The following HOXA13 variants were observed in gnomAD, a reference collection of about 807,000 sequenced individuals.
The protein encoded by HOXA13 is homeobox A13.
A neutral mutation model predicts 25.7 loss-of-function variants in HOXA13; 5 were observed. That is an observed-to-expected ratio of 0.19 (90% CI 0.10 to 0.41). The LOEUF is 0.41. HOXA13 is among the 10% of genes least tolerant of loss of function. HOXA13 has a pLI of 1.00. For missense variants in HOXA13, 557 were observed against 533.5 expected (o/e 1.04, Z -0.43); for synonymous variants, 284 against 241.1 (o/e 1.18, Z -1.65).
At position 27,199,974 on chromosome 7, in the gene HOXA13, A is replaced by C. The variant is rs1243158347; in HGVS notation, c.104T>G (p.Met35Arg). The C allele has an allele frequency of 2.1e-6, 3 of 1,433,804 alleles. No individual in the cohort carries two copies. The South Asian group carries it at 3.9e-5, about 19-fold the overall frequency. The allele number at this position is 1,433,804 out of a possible 1,614,324, so 88.8% of individuals were successfully genotyped here. A position where few individuals can be genotyped will look rare whatever the true frequency, so the allele number is the denominator to read the frequency against. Residue 35 changes from methionine (M) to arginine (R), a missense_variant, in exon 1 of 2, where the codon ATG becomes AGG. Met to Arg is a moderately conservative substitution (Grantham distance 91, BLOSUM62 -1). Transcript: ENST00000649031. ...GLVADELNKN[M>R]EGAAAAAAAA... is the part of the protein sequence containing the mutation. ...TGCTGCAGCCGCCGCCGCCCCTTCC[A>C]TGTTCTTGTTGAGCTCGTCGGCCAC...
rs909428055 is a variant in HOXA13 at position 27,198,119 on chromosome 7, C to G, written c.*79G>C. 10 of 1,414,842 alleles carry G rather than the reference C, an allele frequency of 7.1e-6. No homozygotes were observed. The highest frequency in any genetic ancestry group is 9.0e-6 in the Non-Finnish European group (9 of 1,003,298). 87.6% of individuals were successfully genotyped at this position (1,414,842 alleles called of 1,614,324 possible). On this transcript the variant is annotated 3_prime_UTR_variant, in exon 2 of 2. Coordinates refer to ENST00000649031, the MANE Select transcript of HOXA13 (RefSeq NM_000522.5). ...TTCCCATTCTTCAATTATTATTAAGCATTATTATCATTATCTGGGCAAAGC... is the reference window on the plus strand; with the variant it reads ...TTCCCATTCTTCAATTATTATTAAGGATTATTATCATTATCTGGGCAAAGC...
rs975519929 is a variant in HOXA13, at chr7:27,195,323, C to A, written c.*2875G>T. ...TATTATTTTCCATAAAATGATGAAT[C>A]TGGTTCTTCCATTCACTATTACTTT... On this transcript the variant is annotated 3_prime_UTR_variant, in exon 2 of 2. Transcript: ENST00000649031. 1 of 152,168 alleles carries A rather than the reference C, an allele frequency of 6.6e-6. No homozygotes were observed. The highest frequency in any genetic ancestry group is 1.5e-5 in the Non-Finnish European group (1 of 68,052). The allele number at this position is 152,168 out of a possible 1,614,324, so 9.4% of individuals were successfully genotyped here. A position where few individuals can be genotyped will look rare whatever the true frequency, so the allele number is the denominator to read the frequency against.
intron 1 of HOXA13, 57 bp from the exon 2 acceptor site, chr7:27,198,499 G>A: frequency 6.2e-7 from 1 of 1,607,810 alleles, no homozygotes; most frequent in South Asian, 1.1e-5. Flanking sequence ...CCAGGGCATA[G>A]GCGACAGCTC....
At position 27,199,486 on chromosome 7, in the gene HOXA13, C is replaced by G; in HGVS notation, c.592G>C (p.Ala198Pro). Residue 198 changes from alanine (A) to proline (P), a missense_variant, in exon 1 of 2, where the codon GCC (alanine) becomes CCC (proline). Physicochemically the swap from Ala to Pro is conservative, Grantham distance 27 (BLOSUM62 -1). Coordinates refer to ENST00000649031, the MANE Select transcript of HOXA13 (RefSeq NM_000522.5). Reference sequence around the variant, plus strand: ...AAGGCGGCGGCGGCGGCGGCCGAGGCGGGCTGCGCGCACGACTTGATGGCG... The same window carrying G: ...AAGGCGGCGGCGGCGGCGGCCGAGGGGGGCTGCGCGCACGACTTGATGGCG... ...PNAIKSCAQP[A>P]SAAAAAAFAD... 6.2e-7 allele frequency: 1 copy of G among 1,610,080 alleles called. No homozygotes were observed. The highest frequency in any genetic ancestry group is 8.5e-7 in the Non-Finnish European group (1 of 1,178,684).
Position 27,199,386 on chromosome 7 carries a change from T to G in HOXA13, c.692A>C (p.Tyr231Ser). ...AGGCCCGGCTGCGTAGCCCTGGTGGTAGAAGGCGAACTCCTTAGCGCGGGA... is the reference window on the plus strand; with the variant it reads ...AGGCCCGGCTGCGTAGCCCTGGTGGGAGAAGGCGAACTCCTTAGCGCGGGA... ...FSSRAKEFAF[Y>S]HQGYAAGPYH... Residue 231 changes from tyrosine (Y) to serine (S), a missense_variant, in exon 1 of 2, where the codon TAC becomes TCC. Coordinates refer to ENST00000649031, the MANE Select transcript of HOXA13 (RefSeq NM_000522.5). The G allele has an allele frequency of 6.2e-7, 1 of 1,613,994 alleles. No individual in the cohort carries two copies. The highest frequency in any genetic ancestry group is 8.5e-7 in the Non-Finnish European group (1 of 1,179,962).
Position 27,199,913 on chromosome 7 carries a change from G to T in HOXA13, c.165C>A (p.Gly55=). 15 of 1,149,406 alleles carry T rather than the reference G, an allele frequency of 1.3e-5. No homozygotes were observed. Among genetic ancestry groups the T allele is most frequent in the Non-Finnish European group, 1.6e-5 (15 of 925,096 alleles). The allele number at this position is 1,149,406 out of a possible 1,614,324, so 71.2% of individuals were successfully genotyped here. Residue 55 remains glycine (G), a synonymous_variant, in exon 1 of 2, where the codon GGC becomes GGA. Transcript: ENST00000649031. ...AAAAAAAGAG[G]GGFPHPAAAA... Reference sequence around the variant, plus strand: ...CAGCCGCCGGGTGGGGGAAGCCCCCGCCCCCGGCCCCGGCAGCCGCCGCCG... The same window carrying T: ...CAGCCGCCGGGTGGGGGAAGCCCCCTCCCCCGGCCCCGGCAGCCGCCGCCG...
rs990245078 is a variant in HOXA13 at position 27,197,720 on chromosome 7, C to A, written c.*478G>T. On this transcript the variant is annotated 3_prime_UTR_variant, in exon 2 of 2. Transcript: ENST00000649031. ...AAATGTTTTGCAGAACGTACAACAA[C>A]GGTAGGAATTTCACTAAGATTTACC... The A allele has an allele frequency of 9.8e-5, 25 of 254,798 alleles. No homozygotes were observed. The highest frequency in any genetic ancestry group is 3.8e-4 in the African/African-American group (17 of 45,110). 15.8% of individuals were successfully genotyped at this position (254,798 alleles called of 1,614,324 possible). A position where few individuals can be genotyped will look rare whatever the true frequency, so the allele number is the denominator to read the frequency against.
In HOXA13 at chr7:27,198,381, A is replaced by G. The variant is rs1233615748; in HGVS notation, c.984T>C (p.Pro328=). The stretch of plus-strand genomic sequence containing the variant: ...GTTCTTTTAATTGCACCTTGGTATA[A>G]GGCACGCGCTTCTTTCTCCCCCTCC... The part of the protein sequence containing the change: ...SYRRGRKKRV[P]YTKVQLKELE... Residue 328 remains proline (P), a synonymous_variant, in exon 2 of 2, where the codon CCT becomes CCC. Coordinates refer to ENST00000649031, the MANE Select transcript of HOXA13 (RefSeq NM_000522.5). 52 of 1,613,996 alleles carry G rather than the reference A, an allele frequency of 3.2e-5. No individual in the cohort carries two copies. In the Middle Eastern group the frequency reaches 4.9e-4, roughly 15 times the overall value.
chr7:27,198,746 A>G (rs1178329765), intron 1 of HOXA13: 7 of 533,632 alleles, frequency 1.3e-5, no homozygotes, highest in Middle Eastern at 1.0e-3. Context: ...CTCAAGGTAC[A>G]ACACTTCTGT....
In HOXA13 at chr7:27,196,858, A is replaced by G. The variant is rs562997621; in HGVS notation, c.*1340T>C. 9.0e-5 allele frequency: 16 copies of G among 176,802 alleles called. No homozygotes were observed. In the South Asian group the frequency reaches 2.8e-3, roughly 31 times the overall value. 11.0% of individuals were successfully genotyped at this position (176,802 alleles called of 1,614,324 possible). ...GCACATTTAGCATAGGAAAGTAAAG[A>G]GTATTTTCTGCAGATTTTAATGGCA... On this transcript the variant is annotated 3_prime_UTR_variant, in exon 2 of 2. Coordinates refer to ENST00000649031, the MANE Select transcript of HOXA13 (RefSeq NM_000522.5).
At chr7:27,198,677 C>A (rs1784039311) in intron 1 of HOXA13, 3 of 591,770 alleles carry the variant, frequency 5.1e-6, no homozygotes, top group Admixed American at 2.9e-5. Context: ...CCTGCAGGAG[C>A]AGCGCGTAGG....
intron 1 of HOXA13, chr7:27,198,682 C>T (rs909201848): frequency 2.6e-5 from 15 of 585,178 alleles, no homozygotes; most frequent in Non-Finnish European, 4.0e-5. Context: ...AGGAGCAGCG[C>T]GTAGGCAGCC....
chr7:27,199,115 C>A, intron 1 of HOXA13, 41 bp downstream of exon 1: 1 of 1,580,110 alleles, frequency 6.3e-7, no homozygotes, highest in Non-Finnish European at 8.6e-7. Context: ...GAAGCTGGAG[C>A]AGAGCCGGAA....
At position 27,197,703 on chromosome 7, in the gene HOXA13, T is replaced by G. The variant is rs760681821; in HGVS notation, c.*495A>C. 1.6e-4 allele frequency: 39 copies of G among 248,528 alleles called. No individual in the cohort carries two copies. The highest frequency in any genetic ancestry group is 2.8e-4 in the Non-Finnish European group (36 of 127,368). The allele number at this position is 248,528 out of a possible 1,614,324, so 15.4% of individuals were successfully genotyped here. A position where few individuals can be genotyped will look rare whatever the true frequency, so the allele number is the denominator to read the frequency against. ...CTCTAAATCTATACATAAAATGTTT[T>G]GCAGAACGTACAACAACGGTAGGAA... is the stretch of plus-strand genomic sequence containing the variant. On this transcript the variant is annotated 3_prime_UTR_variant, in exon 2 of 2. Coordinates refer to ENST00000649031, the MANE Select transcript of HOXA13 (RefSeq NM_000522.5).
Position 27,199,137 on chromosome 7 carries a change from G to C in HOXA13, c.922+19C>G, listed in dbSNP as rs1435563708. The C allele has an allele frequency of 1.2e-6, 2 of 1,604,388 alleles. No individual in the cohort carries two copies. The highest frequency in any genetic ancestry group is 2.7e-5 in the African/African-American group (2 of 74,682). On this transcript the variant is annotated intron_variant, in intron 1 of 1. Coordinates refer to ENST00000649031, the MANE Select transcript of HOXA13 (RefSeq NM_000522.5). ...GAGCAGAGCCGGAAGACCAGGGCTG[G>C]GAATAGGTCGTCATTTACCGGGCAG...
rs1239110027 is a variant in HOXA13 at position 27,199,745 on chromosome 7, C to A, written c.333G>T (p.Glu111Asp). ...CAGCGGCGGCAGCCGACGGGGGCGC[C>A]TCCCCGGGGGCGCTGCTGTAGGCGG... ...AASAYSSAPGEAPPSAAAAAA... is the reference protein window; with the variant it reads ...AASAYSSAPGDAPPSAAAAAA... Residue 111 changes from glutamate to aspartate, a missense_variant, in exon 1 of 2, where the codon GAG becomes GAT. Physicochemically the swap from Glu to Asp is conservative, Grantham distance 45. Coordinates refer to ENST00000649031, the MANE Select transcript of HOXA13 (RefSeq NM_000522.5). 3.0e-6 allele frequency: 3 copies of A among 994,638 alleles called. No individual in the cohort carries two copies. Among genetic ancestry groups the A allele is most frequent in the Non-Finnish European group, 2.4e-6 (2 of 837,654 alleles). 61.6% of individuals were successfully genotyped at this position (994,638 alleles called of 1,614,324 possible).
rs1300687076 is a variant in HOXA13, at chr7:27,196,719, T to C, written c.*1479A>G. On this transcript the variant is annotated 3_prime_UTR_variant, in exon 2 of 2. Transcript: ENST00000649031. ...TTATCATTTTTTAGGATTTTAGTTA[T>C]GAGGGATTTCTCCCTTTTCTTAAAA... 6.4e-6 allele frequency: 1 copy of C among 156,750 alleles called. No individual in the cohort carries two copies. The highest frequency in any genetic ancestry group is 1.4e-5 in the Non-Finnish European group (1 of 70,600). 9.7% of individuals were successfully genotyped at this position (156,750 alleles called of 1,614,324 possible). A position where few individuals can be genotyped will look rare whatever the true frequency, so the allele number is the denominator to read the frequency against.
rs1452826067 is a variant in HOXA13 at position 27,197,250 on chromosome 7, G to A, written c.*948C>T. 4.8e-6 allele frequency: 1 copy of A among 207,688 alleles called. No homozygotes were observed. The highest frequency in any genetic ancestry group is 2.3e-5 in the African/African-American group (1 of 44,026). The allele number at this position is 207,688 out of a possible 1,614,324, so 12.9% of individuals were successfully genotyped here. Reference sequence around the variant, plus strand: ...TCTGAGTTTTCTAAAAAAGAAAAAAGAAAAATGATTTCTCCAGCAAATGTT... The same window carrying A: ...TCTGAGTTTTCTAAAAAAGAAAAAAAAAAAATGATTTCTCCAGCAAATGTT... On this transcript the variant is annotated 3_prime_UTR_variant, in exon 2 of 2. Coordinates refer to ENST00000649031, the MANE Select transcript of HOXA13 (RefSeq NM_000522.5).
rs1215648335 is a variant in HOXA13 at position 27,195,678 on chromosome 7, C to T, written c.*2520G>A. On this transcript the variant is annotated 3_prime_UTR_variant, in exon 2 of 2. Coordinates refer to ENST00000649031, the MANE Select transcript of HOXA13 (RefSeq NM_000522.5). ...GATTGCACACCACCCTGGAGCAGTACTCAGCTCTGAGTTATCCAGGATAAC... is the reference window on the plus strand; with the variant it reads ...GATTGCACACCACCCTGGAGCAGTATTCAGCTCTGAGTTATCCAGGATAAC... 2 of 152,114 alleles carry T rather than the reference C, an allele frequency of 1.3e-5. No homozygotes were observed. Among genetic ancestry groups the T allele is most frequent in the South Asian group, 2.1e-4 (1 of 4,826 alleles). The allele number at this position is 152,114 out of a possible 1,614,324, so 9.4% of individuals were successfully genotyped here. A position where few individuals can be genotyped will look rare whatever the true frequency, so the allele number is the denominator to read the frequency against.
Sources: allele counts gnomAD v4.1 joint callset, GRCh38; gene constraint gnomAD v4.1.1; transcripts MANE v1.5; gene names NCBI Gene and HGNC (gene_info 2026-07-23, HGNC 2026-07-21).